The following RAPGEF5 variants were observed in gnomAD, a reference collection of about 807,000 sequenced individuals.
RAPGEF5 encodes M-Ras-regulated GEF.
In RAPGEF5, 65 loss-of-function variants were observed where a neutral mutation model predicts 125.2. That is an observed-to-expected ratio of 0.52 (90% CI 0.43 to 0.64). The LOEUF (loss-of-function observed/expected upper bound fraction) is 0.64. RAPGEF5 is among the 30% of genes least tolerant of loss of function. The pLI, the probability that RAPGEF5 is intolerant of heterozygous loss-of-function variation, is 0.00. For synonymous variants in RAPGEF5, 391 were observed against 385.9 expected (o/e 1.01, Z -0.16); for missense variants, 958 against 1,048.1 (o/e 0.91, Z 1.19).
At chr7:22,220,275 CTGTT>C (rs751007703) in intron 8 of RAPGEF5, 6 of 272,848 alleles carry the variant, frequency 2.2e-5, no homozygotes, top group South Asian at 1.0e-4. Context: ...TGATAGGCTC[CTGTT>C]TGTTTGTTCC....
intron 17 of RAPGEF5, among the ~76,000 whole-genome samples, chr7:22,153,286 C>G (rs573851666): frequency 6.6e-6 from 1 of 152,100 alleles, no homozygotes; most frequent in African/African-American, 2.4e-5. Flanking sequence ...GTTTAAAATC[C>G]TTTTATATTT....
At chr7:22,196,969 T>TA (rs773373604) in intron 9 of RAPGEF5, among the ~76,000 whole-genome samples, 22 of 152,184 alleles carry the variant, frequency 1.4e-4, no homozygotes, top group East Asian at 9.7e-4. Context: ...TTAAAGGAGC[T>TA]AAAATCACAC....
At chr7:22,315,547 C>CTATA (rs5882843) in intron 2 of RAPGEF5, 71 bp from the exon 3 acceptor site, 60 of 413,946 alleles carry the variant, frequency 1.4e-4, no homozygotes, top group South Asian at 1.6e-4. Flanking sequence ...CAATAGCATA[C>CTATA]TATATATATA....
At chr7:22,349,398 T>C (rs370189654) in intron 1 of RAPGEF5, among the ~76,000 whole-genome samples, 1 of 120,970 alleles carries the variant, frequency 8.3e-6, no homozygotes, top group African/African-American at 3.2e-5. Flanking sequence ...CATTCCAACC[T>C]GGGCGATAGA....
At chr7:22,209,762 C>T (rs1172443330) in intron 9 of RAPGEF5, among the ~76,000 whole-genome samples, 11 of 152,090 alleles carry the variant, frequency 7.2e-5, no homozygotes, top group Admixed American at 7.2e-4. Flanking sequence ...ATCAGCCCAG[C>T]CTCACTTTAG....
chr7:22,215,529 C>T (rs1235841285), intron 9 of RAPGEF5, among the ~76,000 whole-genome samples: 1 of 152,196 alleles, frequency 6.6e-6, no homozygotes, highest in Non-Finnish European at 1.5e-5. Context: ...TTCTTGAGGG[C>T]AGGAGCCACA....
chr7:22,145,565 C>T (rs950643225), intron 19 of RAPGEF5, among the ~76,000 whole-genome samples: 17 of 152,204 alleles, frequency 1.1e-4, no homozygotes, highest in African/African-American at 3.4e-4. Flanking sequence ...TGAAAATGAA[C>T]GCTAGTAGTA....
At chr7:22,173,727 G>A (rs887935882) in intron 11 of RAPGEF5, among the ~76,000 whole-genome samples, 1 of 152,104 alleles carries the variant, frequency 6.6e-6, no homozygotes, top group African/African-American at 2.4e-5. Context: ...ATGTTACTTG[G>A]AGGGGCATAG....
chr7:22,290,823 T>C (rs1356931839), intron 6 of RAPGEF5, among the ~76,000 whole-genome samples: 1 of 152,024 alleles, frequency 6.6e-6, no homozygotes, highest in Non-Finnish European at 1.5e-5. Context: ...CTTTTTTGGC[T>C]GAAGTAATTC....
At chr7:22,151,846 G>C (rs1783640333) in intron 17 of RAPGEF5, among the ~76,000 whole-genome samples, 1 of 152,116 alleles carries the variant, frequency 6.6e-6, no homozygotes, top group Admixed American at 6.5e-5. Flanking sequence ...TAACTAGTAG[G>C]TTGAATATTT....
intron 1 of RAPGEF5, among the ~76,000 whole-genome samples, chr7:22,324,907 T>C (rs571652890): frequency 1.3e-5 from 2 of 152,190 alleles, no homozygotes; most frequent in South Asian, 4.2e-4. Context: ...GTCTTTAACC[T>C]AGTGATCCAC....
chr7:22,317,554 T>C (rs1378244320), intron 2 of RAPGEF5, among the ~76,000 whole-genome samples: 1 of 152,174 alleles, frequency 6.6e-6, no homozygotes, highest in East Asian at 1.9e-4. Flanking sequence ...AATGCAACTC[T>C]TTATTGACTG....
intron 6 of RAPGEF5, among the ~76,000 whole-genome samples, chr7:22,271,562 T>A (rs1356850088): frequency 1.3e-5 from 2 of 152,222 alleles, no homozygotes; most frequent in African/African-American, 4.8e-5. Flanking sequence ...AACCTTCAAG[T>A]TTAATTTAAA....
At chr7:22,128,627 A>G (rs1264501336) in intron 24 of RAPGEF5, among the ~76,000 whole-genome samples, 1 of 152,190 alleles carries the variant, frequency 6.6e-6, no homozygotes, top group African/African-American at 2.4e-5. Flanking sequence ...AGTGTAACAC[A>G]ATGCTATATA....
chr7:22,223,885 C>T (rs1484773475), intron 8 of RAPGEF5, among the ~76,000 whole-genome samples: 1 of 152,158 alleles, frequency 6.6e-6, no homozygotes, highest in Non-Finnish European at 1.5e-5. Flanking sequence ...TTAATAGTCA[C>T]TTAGGTTACA....
rs749372000 is a variant in RAPGEF5 at position 22,193,793 on chromosome 7, GAA to G, written c.1115+120_1115+121del. 57 of 1,605,978 alleles carry G rather than the reference GAA, an allele frequency of 3.5e-5. 1 individual carries two copies. Among genetic ancestry groups the G allele is most frequent in the South Asian group, 1.1e-5 (1 of 90,550 alleles). On this transcript the variant is annotated intron_variant, in intron 10 of 25. Transcript: ENST00000665637. ...AGCTAGAACGCTGGAGAGGCGGAGA[GAA>G]AAGAGAGGGAGGGAGGGTAGAGGAG...
intron 1 of RAPGEF5, among the ~76,000 whole-genome samples, chr7:22,352,271 G>C (rs982287128): frequency 2.6e-4 from 39 of 152,070 alleles, no homozygotes; most frequent in African/African-American, 9.2e-4. Context: ...TTATTAGGGG[G>C]AAAATATCAG....
intron 3 of RAPGEF5, among the ~76,000 whole-genome samples, chr7:22,313,320 C>G (rs1033884799): frequency 3.3e-5 from 5 of 152,184 alleles, no homozygotes; most frequent in Non-Finnish European, 7.3e-5. Context: ...CAGTGTGATT[C>G]TTCCTACAGT....
intron 5 of RAPGEF5, among the ~76,000 whole-genome samples, chr7:22,291,644 C>T (rs1377552730): frequency 6.6e-6 from 1 of 152,136 alleles, no homozygotes; most frequent in Non-Finnish European, 1.5e-5. Context: ...GTGAACTTTC[C>T]ACTGAAATTG....
Sources: gnomAD v4.1 joint callset for allele counts (sites outside exome capture counted in the v4.1 genomes callset) on GRCh38, gnomAD v4.1.1 for gene constraint, MANE v1.5 for transcripts, NCBI Gene and HGNC (gene_info 2026-07-23, HGNC 2026-07-21) for gene names.